METTL16: variants seen among roughly 807,000 people sequenced by gnomAD.
METTL16 encodes the protein methyltransferase 16, RNA N6-adenosine.
Under a neutral mutation model 57.9 loss-of-function variants are expected in METTL16, and 19 were observed. The observed-to-expected ratio is 0.33, with a 90% CI of 0.23 to 0.48. The LOEUF (loss-of-function observed/expected upper bound fraction) is 0.48. METTL16 is among the 20% of genes least tolerant of loss of function. METTL16 has a pLI of 0.99. For synonymous variants in METTL16, 246 were observed against 255.6 expected (o/e 0.96, Z 0.36); for missense variants, 434 against 691.5 (o/e 0.63, Z 4.18).
chr17:2,473,427 G>T lies in METTL16; in HGVS notation c.469+97C>A, dbSNP rs752021908. ...AAGTGCCAGATTTTTTTAAATTACC[G>T]AAGTCTGTGTATTAAAGAAAAAGGT... On this transcript the variant is annotated intron_variant, in intron 4 of 9. Transcript: ENST00000263092. 4.4e-6 allele frequency: 6 copies of T among 1,352,504 alleles called. No homozygotes were observed. The African/African-American group carries it at 8.8e-5, about 20-fold the overall frequency. 83.8% of individuals were successfully genotyped at this position (1,352,504 alleles called of 1,614,324 possible). A position where few individuals can be genotyped will look rare whatever the true frequency, so the allele number is the denominator to read the frequency against.
chr17:2,442,358 G>A (rs1044501235), intron 6 of METTL16, among the ~76,000 whole-genome samples: 1 of 152,200 alleles, frequency 6.6e-6, no homozygotes. Flanking sequence ...CTGCAGTACA[G>A]GGAAAAGAAA....
chr17:2,491,428 G>C lies in METTL16; in HGVS notation c.128+10776C>G, dbSNP rs1429032312. ...AAATAACAATCATTCTAATCCTGTA[G>C]AAGCTGAACCTGATGCAACAAAAAC... On this transcript the variant is annotated intron_variant, in intron 2 of 9. Transcript: ENST00000263092. Among the ~76,000 whole-genome samples the C allele has an allele frequency of 2.6e-5, 4 of 152,150 alleles. No homozygotes were observed. The East Asian group carries it at 5.8e-4, about 22-fold the overall frequency.
intron 2 of METTL16, among the ~76,000 whole-genome samples, chr17:2,489,872 A>C (rs2067373054): frequency 6.6e-6 from 1 of 152,148 alleles, no homozygotes; most frequent in Non-Finnish European, 1.5e-5. Flanking sequence ...TGTACTACAG[A>C]AAATTTAGGA....
At chr17:2,431,654 T>C (rs1454982862) in intron 8 of METTL16, among the ~76,000 whole-genome samples, 1 of 152,156 alleles carries the variant, frequency 6.6e-6, no homozygotes, top group Non-Finnish European at 1.5e-5. Context: ...AGTATGCCAT[T>C]ATGCTTTTCA....
At chr17:2,473,794 A>T (rs749766596) in intron 3 of METTL16, 130 bp from the exon 4 acceptor site, 11 of 937,668 alleles carry the variant, frequency 1.2e-5, no homozygotes, top group Non-Finnish European at 1.7e-5. Flanking sequence ...GCTACAGTGC[A>T]GTGGTGTGAT....
At chr17:2,432,531 T>C (rs1256807415) in intron 8 of METTL16, among the ~76,000 whole-genome samples, 2 of 151,698 alleles carry the variant, frequency 1.3e-5, no homozygotes, top group Non-Finnish European at 2.9e-5. Context: ...AGCGCGCCAA[T>C]ACATTCCAGC....
chr17:2,509,837 C>T lies in METTL16; in HGVS notation c.-1+1922G>A, dbSNP rs576382071. 2.6e-5 allele frequency among the ~76,000 whole-genome samples: 4 copies of T among 151,598 alleles called. No individual in the cohort carries two copies. The South Asian group carries it at 8.3e-4, about 32-fold the overall frequency. On this transcript the variant is annotated intron_variant, in intron 1 of 9. Coordinates refer to ENST00000263092, the MANE Select transcript of METTL16 (RefSeq NM_024086.4). ...CTGAGGCAGGAGAATCACTTGAATT[C>T]AGGAGGCCGAAGTTGCAGTGAGCCA...
chr17:2,444,035 A>G (rs574521514), intron 6 of METTL16, among the ~76,000 whole-genome samples: 11 of 152,270 alleles, frequency 7.2e-5, no homozygotes, highest in African/African-American at 2.6e-4. Context: ...TGTTCTCACC[A>G]CACAAAAAAT....
chr17:2,464,364 A>G lies in METTL16; in HGVS notation c.586-14T>C. On this transcript the variant is annotated splice_polypyrimidine_tract_variant and intron_variant, in intron 5 of 9. Transcript: ENST00000263092. ...TGAGTTTACTCCCTGAAAAACAACA[A>G]AAAACCCTGGTGAAAAATGTGTACA... 1.3e-6 allele frequency: 2 copies of G among 1,585,248 alleles called. No homozygotes were observed. Among genetic ancestry groups the G allele is most frequent in the Non-Finnish European group, 1.7e-6 (2 of 1,170,802 alleles).
chr17:2,445,383 C>A (rs1367964064), intron 6 of METTL16, among the ~76,000 whole-genome samples: 3 of 152,142 alleles, frequency 2.0e-5, no homozygotes, highest in Non-Finnish European at 4.4e-5. Flanking sequence ...TGATGCATTT[C>A]TCAGATTTCC....
At chr17:2,427,412 GA>G (rs2066827629) in intron 8 of METTL16, among the ~76,000 whole-genome samples, 1 of 152,170 alleles carries the variant, frequency 6.6e-6, no homozygotes, top group Non-Finnish European at 1.5e-5. Context: ...AGAAAATTCA[GA>G]GTGGAAACGT....
At position 2,503,173 on chromosome 17, in the gene METTL16, A is replaced by G. The variant is rs149002875; in HGVS notation, c.1-842T>C. Among the ~76,000 whole-genome samples the G allele has an allele frequency of 8.4e-3, 1,274 of 152,354 alleles. 13 individuals are homozygous for G. The highest frequency in any genetic ancestry group is 0.029 in the South Asian group (139 of 4,828). ...AGTGTTCATAGTAGTATCATTCCCA[A>G]GAGTGAAAAGGTGGGAAACAATCTG... On this transcript the variant is annotated intron_variant, in intron 1 of 9. Coordinates refer to ENST00000263092, the MANE Select transcript of METTL16 (RefSeq NM_024086.4).
At chr17:2,493,392 T>C (rs1030222716) in intron 2 of METTL16, among the ~76,000 whole-genome samples, 5 of 149,420 alleles carry the variant, frequency 3.3e-5, no homozygotes, top group African/African-American at 7.3e-5. Context: ...AGCCCAGTAA[T>C]TCTTCTTTAA....
chr17:2,475,531 C>A (rs1203634057), intron 3 of METTL16, among the ~76,000 whole-genome samples: 3 of 152,186 alleles, frequency 2.0e-5, no homozygotes, highest in African/African-American at 7.2e-5. Context: ...AGTACACTTA[C>A]CTCCAGGGTA....
intron 1 of METTL16, among the ~76,000 whole-genome samples, chr17:2,511,530 C>T (rs569737859): frequency 1.3e-5 from 2 of 152,130 alleles, no homozygotes; most frequent in Admixed American, 6.6e-5. Context: ...TCCTAAACAC[C>T]GGGGAGTCTT....
At chr17:2,462,089 CCTAAGTATCTT>C (rs1373130304) in intron 6 of METTL16, among the ~76,000 whole-genome samples, 3 of 152,128 alleles carry the variant, frequency 2.0e-5, no homozygotes, top group Non-Finnish European at 4.4e-5. Flanking sequence ...GTACAAGCAA[CCTAAGTATCTT>C]CCATCAATAG....
intron 1 of METTL16, among the ~76,000 whole-genome samples, chr17:2,504,983 G>A (rs2067519443): frequency 6.6e-6 from 1 of 152,058 alleles, no homozygotes; most frequent in Non-Finnish European, 1.5e-5. Flanking sequence ...TTTCAATCTT[G>A]TCATTCCTAG....
rs80091953 is a variant in METTL16, at chr17:2,466,850, T to C, written c.585+911A>G. Among the ~76,000 whole-genome samples the C allele has an allele frequency of 8.4e-3, 1,282 of 152,212 alleles. 22 individuals carry two copies. Among genetic ancestry groups the C allele is most frequent in the African/African-American group, 0.029 (1,213 of 41,524 alleles). ...TTTTTTGAGACAGGGTTACCGAGGC[T>C]GGAGTGCAGTAACACGATCCTGGCT... On this transcript the variant is annotated intron_variant, in intron 5 of 9. Transcript: ENST00000263092.
chr17:2,444,106 T>C (rs773398587), intron 6 of METTL16, among the ~76,000 whole-genome samples: 10 of 152,162 alleles, frequency 6.6e-5, no homozygotes, highest in Non-Finnish European at 1.2e-4. Flanking sequence ...CATACAGCCA[T>C]GAGTCACATA....
Sources: gnomAD v4.1 joint callset for allele counts (sites outside exome capture counted in the v4.1 genomes callset) on GRCh38, gnomAD v4.1.1 for gene constraint, MANE v1.5 for transcripts, NCBI Gene and HGNC (gene_info 2026-07-23, HGNC 2026-07-21) for gene names.